PITPNA: variants seen among roughly 807,000 people sequenced by gnomAD.
The protein encoded by PITPNA is phosphatidylinositol transfer protein alpha isoform.
A neutral mutation model predicts 50.3 loss-of-function variants in PITPNA; 13 were observed. The observed-to-expected ratio is 0.26, with a 90% confidence interval of 0.17 to 0.41. The LOEUF is 0.41. Ranked by LOEUF, PITPNA falls within the 10% of genes least tolerant of loss-of-function variation. PITPNA has a pLI of 1.00. For synonymous variants in PITPNA, 120 were observed against 119.6 expected (o/e 1.00, Z -0.02); for missense variants, 207 against 333.4 (o/e 0.62, Z 2.95).
In PITPNA at chr17:1,558,122, T is replaced by C. The variant is rs2075746947; in HGVS notation, c.51+407A>G. Among the ~76,000 whole-genome samples, 5 of 151,180 alleles carry C rather than the reference T, an allele frequency of 3.3e-5. No individual in the cohort carries two copies. In the South Asian group the frequency reaches 1.1e-3, roughly 32 times the overall value. ...GGCACACACCTGTAATCCCGGCTAC[T>C]TGGGAGGCTGAGGCAGGAGAATAGC... is the stretch of plus-strand genomic sequence containing the variant. On this transcript the variant is annotated intron_variant, in intron 2 of 11. Coordinates refer to ENST00000313486, the MANE Select transcript of PITPNA (RefSeq NM_006224.4).
At chr17:1,551,974 C>CGAGGAGACTGGGTGACGGT (rs759877974) in intron 3 of PITPNA, among the ~76,000 whole-genome samples, 1,742 of 115,358 alleles carry the variant, frequency 0.015, 36 homozygotes, top group East Asian at 0.023. Flanking sequence ...GACCCTCTGG[C>CGAGGAGACTGGGTGACGGT]GAGGAGACTG....
chr17:1,524,343 C>CTTTT (rs398041515), intron 10 of PITPNA, among the ~76,000 whole-genome samples: 1 of 121,020 alleles, frequency 8.3e-6, no homozygotes, highest in Non-Finnish European at 1.7e-5. Flanking sequence ...CGCACCTGGC[C>CTTTT]TTTTTTTTTT....
In PITPNA at chr17:1,518,764, G is replaced by A. The variant is rs570013829; in HGVS notation, c.*1797C>T. On this transcript the variant is annotated 3_prime_UTR_variant, in exon 12 of 12. Coordinates refer to ENST00000313486, the MANE Select transcript of PITPNA (RefSeq NM_006224.4). ...GACTTCCCCTAGTTGATGAATGAAGGAACATCTTTAAGCACAAATATAATG... is the reference window on the plus strand; with the variant it reads ...GACTTCCCCTAGTTGATGAATGAAGAAACATCTTTAAGCACAAATATAATG... The A allele has an allele frequency of 7.2e-5, 11 of 152,304 alleles. No homozygotes were observed. The East Asian group carries it at 2.1e-3, about 29-fold the overall frequency. 9.4% of individuals were successfully genotyped at this position (152,304 alleles called of 1,614,324 possible). A position where few individuals can be genotyped will look rare whatever the true frequency, so the allele number is the denominator to read the frequency against.
chr17:1,522,099 C>T (rs1454792396), intron 10 of PITPNA, among the ~76,000 whole-genome samples: 1 of 138,826 alleles, frequency 7.2e-6, no homozygotes, highest in Non-Finnish European at 1.6e-5. Flanking sequence ...GAGTCTCGCT[C>T]TGCCGCCCAG....
chr17:1,546,596 GC>G (rs2075675727), intron 4 of PITPNA, among the ~76,000 whole-genome samples: 1 of 152,074 alleles, frequency 6.6e-6, no homozygotes, highest in South Asian at 2.1e-4. Flanking sequence ...GGACCCCGCA[GC>G]CCAACACTGT....
chr17:1,534,879 GC>G (rs2075605294), intron 9 of PITPNA, among the ~76,000 whole-genome samples: 2 of 152,248 alleles, frequency 1.3e-5, no homozygotes, highest in African/African-American at 2.4e-5. Context: ...AAGGTGGGCA[GC>G]TGGGAAGCCG....
At chr17:1,553,310 C>T (rs1270323101) in intron 2 of PITPNA, among the ~76,000 whole-genome samples, 161 bp from the exon 3 acceptor site, 1 of 152,222 alleles carries the variant, frequency 6.6e-6, no homozygotes, top group Non-Finnish European at 1.5e-5. Context: ...CCACCCAAAG[C>T]AACTGACAGT....
At chr17:1,541,387 A>G (rs145740836) in intron 6 of PITPNA, among the ~76,000 whole-genome samples, 179 bp downstream of exon 6, 11 of 152,268 alleles carry the variant, frequency 7.2e-5, no homozygotes, top group African/African-American at 2.6e-4. Flanking sequence ...TCCGGAGATC[A>G]CATTTTGCAA....
At chr17:1,545,917 C>CTTT (rs11322049) in intron 4 of PITPNA, among the ~76,000 whole-genome samples, 22 of 86,366 alleles carry the variant, frequency 2.5e-4, no homozygotes, top group African/African-American at 4.9e-5. Context: ...TGCATACTGC[C>CTTT]TTTTTTTTTT....
At chr17:1,558,006 G>A (rs1396344684) in intron 2 of PITPNA, among the ~76,000 whole-genome samples, 1 of 152,140 alleles carries the variant, frequency 6.6e-6, no homozygotes, top group Non-Finnish European at 1.5e-5. Flanking sequence ...TGAGGCGGGC[G>A]GATCACTTGA....
At chr17:1,532,868 G>C (rs2075592908) in intron 10 of PITPNA, among the ~76,000 whole-genome samples, 1 of 152,208 alleles carries the variant, frequency 6.6e-6, no homozygotes, top group Non-Finnish European at 1.5e-5. Context: ...GTCTTCAAGA[G>C]GAACCAACTC....
intron 2 of PITPNA, among the ~76,000 whole-genome samples, chr17:1,557,800 G>A (rs2075743320): frequency 6.6e-6 from 1 of 152,206 alleles, no homozygotes; most frequent in South Asian, 2.1e-4. Context: ...GGTCTTTCCA[G>A]CAGTCACCTA....
intron 3 of PITPNA, among the ~76,000 whole-genome samples, chr17:1,549,516 C>T (rs11078487): frequency 0.066 from 8,445 of 128,792 alleles, 668 homozygotes; most frequent in East Asian, 0.25. Flanking sequence ...CAGGGTTTCG[C>T]CATGTTAGAC....
At chr17:1,529,859 GA>G (rs576234626) in intron 10 of PITPNA, among the ~76,000 whole-genome samples, 85 of 125,686 alleles carry the variant, frequency 6.8e-4, no homozygotes, top group Middle Eastern at 3.9e-3. Context: ...TGTTTCAAAA[GA>G]AAAAAAAAAA....
chr17:1,550,062 G>C (rs2075700282), intron 3 of PITPNA, among the ~76,000 whole-genome samples: 1 of 152,194 alleles, frequency 6.6e-6, no homozygotes, highest in South Asian at 2.1e-4. Context: ...TAAGAAAGAA[G>C]AGCAAACTAG....
At chr17:1,554,090 T>C (rs925645837) in intron 2 of PITPNA, among the ~76,000 whole-genome samples, 1 of 152,202 alleles carries the variant, frequency 6.6e-6, no homozygotes, top group African/African-American at 2.4e-5. Context: ...GCCAATGACC[T>C]AGGCAGTGCC....
intron 7 of PITPNA, 41 bp from the exon 8 acceptor site, chr17:1,535,559 G>A: frequency 8.2e-7 from 1 of 1,214,706 alleles, no homozygotes. Context: ...GGGAGTGGGA[G>A]AGGGAGTGAG....
intron 4 of PITPNA, among the ~76,000 whole-genome samples, chr17:1,547,811 T>C (rs374223548): frequency 6.6e-6 from 1 of 152,088 alleles, no homozygotes; most frequent in South Asian, 2.1e-4. Context: ...CTGGGCAACA[T>C]GGTGAAACTC....
intron 10 of PITPNA, among the ~76,000 whole-genome samples, chr17:1,526,224 C>T (rs2075547089): frequency 6.6e-6 from 1 of 152,230 alleles, no homozygotes; most frequent in South Asian, 2.1e-4. Context: ...TCTAATCATG[C>T]AGAAACATCA....
Sources: gnomAD v4.1 joint callset for allele counts (sites outside exome capture counted in the v4.1 genomes callset) on GRCh38, gnomAD v4.1.1 for gene constraint, MANE v1.5 for transcripts, NCBI Gene and HGNC (gene_info 2026-07-23, HGNC 2026-07-21) for gene names.